The following ZNF541 variants were observed in gnomAD, a reference collection of about 807,000 sequenced individuals.
ZNF541 encodes zinc finger protein 541.
ZNF541 carries 23 observed loss-of-function variants against 123.5 expected under a neutral mutation model. The observed-to-expected ratio is 0.19, with a 90% CI of 0.13 to 0.26. ZNF541 has a LOEUF of 0.26. Among genes scored for constraint, ZNF541 ranks in the 10% least tolerant of loss-of-function variants. The pLI is 1.00. For missense variants in ZNF541, 1,612 were observed against 1,789.9 expected, an observed-to-expected ratio of 0.90 and a Z score of 1.79; for synonymous variants, 751 against 754.5, an observed-to-expected ratio of 1.00 and a Z score of 0.08.
Position 47,531,245 on chromosome 19 carries a change from G to C in ZNF541, c.3405+397C>G, listed in dbSNP as rs936275861. ...CAGAATTGTGAGCGGGGGGGGGGGG[G>C]GGGGTCCTTGGAGTAGGTAGAGGCA... On this transcript the variant is annotated intron_variant, in intron 12 of 16. Transcript: ENST00000391901. Among the ~76,000 whole-genome samples, 5 of 148,988 alleles carry C rather than the reference G, an allele frequency of 3.4e-5. No homozygotes were observed. In the South Asian group the frequency reaches 1.1e-3, roughly 33 times the overall value.
chr19:47,551,849 ATGAGATGGCAAGTTTGTTTGTTTGT>A (rs1433184013), intron 3 of ZNF541, among the ~76,000 whole-genome samples: 1 of 151,114 alleles, frequency 6.6e-6, no homozygotes, highest in Non-Finnish European at 1.5e-5. Flanking sequence ...AAACTGCCTT[ATGAGATGGCAAGTTTGTTTGTTTGT>A]TGAGATGGAG....
intron 6 of ZNF541, 90 bp downstream of exon 6, chr19:47,540,803 A>G: frequency 3.1e-6 from 4 of 1,304,494 alleles, no homozygotes; most frequent in Non-Finnish European, 4.3e-6. Flanking sequence ...GACTGAAAGC[A>G]TCCTCCCCAC....
chr19:47,558,478 T>C (rs1471316502), intron 2 of ZNF541, among the ~76,000 whole-genome samples: 4 of 151,824 alleles, frequency 2.6e-5, no homozygotes, highest in Non-Finnish European at 1.5e-5. Context: ...ATTCAGATAA[T>C]TAAAAAATTA....
chr19:47,546,461 G>A (rs1488115225), intron 4 of ZNF541, among the ~76,000 whole-genome samples: 1 of 150,896 alleles, frequency 6.6e-6, no homozygotes, highest in Non-Finnish European at 1.5e-5. Context: ...GCAGTGAGCC[G>A]AGATCACACC....
intron 2 of ZNF541, among the ~76,000 whole-genome samples, chr19:47,569,931 T>C (rs1419081709): frequency 2.0e-5 from 3 of 151,800 alleles, no homozygotes; most frequent in African/African-American, 7.3e-5. Context: ...GACTCCCTCC[T>C]ATAGTCTTAT....
At chr19:47,565,152 G>T (rs1048027968) in intron 2 of ZNF541, among the ~76,000 whole-genome samples, 8 of 152,000 alleles carry the variant, frequency 5.3e-5, no homozygotes, top group Non-Finnish European at 1.2e-4. Context: ...TTGGGGACTT[G>T]GGGGGAAAGG....
Position 47,545,601 on chromosome 19 carries a change from G to C in ZNF541, c.928C>G (p.Pro310Ala), listed in dbSNP as rs1264237105. 6.5e-7 allele frequency: 1 copy of C among 1,547,534 alleles called. No homozygotes were observed. The highest frequency in any genetic ancestry group is 8.7e-7 in the Non-Finnish European group (1 of 1,144,688). ...SEGRNTACPC[P>A]ASSGSSSCTP... Reference sequence around the variant, plus strand: ...CAGGACGAGGACCCCGATGAGGCGGGGCAGGGACAGGCAGTGTTCCTCCCT... The same window carrying C: ...CAGGACGAGGACCCCGATGAGGCGGCGCAGGGACAGGCAGTGTTCCTCCCT... The change falls in exon 5 of 17, where the codon CCC becomes GCC. Residue 310 changes from proline (P) to alanine (A), a missense_variant. Coordinates refer to ENST00000391901, the MANE Select transcript of ZNF541 (RefSeq NM_001277075.3). The surrounding 1 kb of genome is among the most constrained non-coding windows in gnomAD (Gnocchi z 7.5).
intron 2 of ZNF541, among the ~76,000 whole-genome samples, chr19:47,561,645 C>A (rs1312498756): frequency 6.6e-6 from 1 of 151,870 alleles, no homozygotes. Context: ...GGTTGTTAAC[C>A]GCCTGCCTGA....
At chr19:47,533,036 C>A (rs1969648360) in intron 9 of ZNF541, 64 bp from the exon 10 acceptor site, 3 of 1,475,712 alleles carry the variant, frequency 2.0e-6, no homozygotes, top group Non-Finnish European at 2.8e-6. Flanking sequence ...GGGTCCTCTG[C>A]CTGCCTGTGT....
At chr19:47,525,793 G>A (rs1343962364) in intron 14 of ZNF541, among the ~76,000 whole-genome samples, 1 of 152,054 alleles carries the variant, frequency 6.6e-6, no homozygotes, top group Non-Finnish European at 1.5e-5. Flanking sequence ...GCATGTGCCT[G>A]TAGTCGCAGC....
intron 3 of ZNF541, among the ~76,000 whole-genome samples, chr19:47,554,614 G>T (rs1357055141): frequency 6.6e-6 from 1 of 152,160 alleles, no homozygotes; most frequent in Non-Finnish European, 1.5e-5. Context: ...GACAACCAAA[G>T]ATCAGAAGGG....
intron 2 of ZNF541, among the ~76,000 whole-genome samples, chr19:47,557,266 C>T (rs953841487): frequency 4.0e-5 from 6 of 151,858 alleles, no homozygotes; most frequent in African/African-American, 9.7e-5. Flanking sequence ...TCCCAGGAAA[C>T]GGAGGCCTGG....
chr19:47,547,164 T>C (rs1346407377), intron 4 of ZNF541, among the ~76,000 whole-genome samples: 3 of 152,150 alleles, frequency 2.0e-5, no homozygotes, highest in African/African-American at 4.8e-5. Context: ...TTCTGCAGAA[T>C]AGACTGGAGG....
intron 10 of ZNF541, 43 bp downstream of exon 10, chr19:47,532,866 A>G: frequency 6.5e-7 from 1 of 1,541,110 alleles, no homozygotes; most frequent in Non-Finnish European, 8.8e-7. Context: ...ACTAGAACTC[A>G]AGGTGGGGTA....
At chr19:47,524,231 A>C (rs1263215448) in intron 14 of ZNF541, among the ~76,000 whole-genome samples, 1 of 152,248 alleles carries the variant, frequency 6.6e-6, no homozygotes, top group Non-Finnish European at 1.5e-5. Flanking sequence ...AGCATCCAAC[A>C]GCTAACATTC....
Position 47,545,378 on chromosome 19 carries a change from C to G in ZNF541, c.1151G>C (p.Trp384Ser). The change falls in exon 5 of 17, where the codon TGG becomes TCG. Residue 384 changes from tryptophan to serine, a missense_variant. By Grantham distance (177) the Trp-to-Ser change is radical. This residue lies in a region of ZNF541 where 1,080 missense variants were observed against 1,013.8 expected (regional missense o/e 1.07). Transcript: ENST00000391901. This position sits in a 1 kb window ranked among gnomAD's most constrained non-coding sequence, Gnocchi z 7.5. ...LLQARSTAECWPEGGSVPACL... is the reference protein window; with the variant it reads ...LLQARSTAECSPEGGSVPACL... ...GGCAGGCACGGAGCCGCCTTCGGGC[C>G]AGCACTCCGCGGTGGACCGGGCCTG... The G allele has an allele frequency of 6.5e-7, 1 of 1,529,172 alleles. No homozygotes were observed. Among genetic ancestry groups the G allele is most frequent in the Non-Finnish European group, 8.8e-7 (1 of 1,135,600 alleles). The allele number at this position is 1,529,172 out of a possible 1,614,324, so 94.7% of individuals were successfully genotyped here. A position where few individuals can be genotyped will look rare whatever the true frequency, so the allele number is the denominator to read the frequency against.
intron 5 of ZNF541, among the ~76,000 whole-genome samples, chr19:47,541,249 CT>C (rs1322343550): frequency 6.6e-6 from 1 of 152,004 alleles, no homozygotes; most frequent in Non-Finnish European, 1.5e-5. Context: ...AAAACCCCAT[CT>C]CTACAAAAAA....
intron 2 of ZNF541, among the ~76,000 whole-genome samples, chr19:47,568,815 G>A (rs373295493): frequency 1.3e-5 from 2 of 152,006 alleles, no homozygotes; most frequent in South Asian, 2.1e-4. Flanking sequence ...GGGACTACAG[G>A]TGCACACCAC....
intron 2 of ZNF541, among the ~76,000 whole-genome samples, chr19:47,565,825 T>A (rs983633733): frequency 2.6e-5 from 4 of 152,194 alleles, no homozygotes; most frequent in African/African-American, 9.6e-5. Context: ...TTAATAGTTT[T>A]AAAACAATTT....
Sources: allele counts gnomAD v4.1 joint callset (sites outside exome capture counted in the v4.1 genomes callset), GRCh38; gene constraint gnomAD v4.1.1; regional missense constraint gnomAD v4.1.1; non-coding constraint Gnocchi (gnomAD v3.1); transcripts MANE v1.5; gene names NCBI Gene and HGNC (gene_info 2026-07-23, HGNC 2026-07-21).